Variants in SEPTIN9 observed in about 807,000 individuals in gnomAD.
SEPTIN9 encodes septin-9.
Under a neutral mutation model 56.6 loss-of-function variants are expected in SEPTIN9, and 13 were observed. The ratio of observed to expected loss-of-function variants is 0.23; its 90% CI spans 0.15 to 0.37. The LOEUF (loss-of-function observed/expected upper bound fraction) is 0.37, where lower values mean the gene tolerates loss of function less well. SEPTIN9 is among the 10% of genes least tolerant of loss of function. The pLI is 1.00. For missense variants in SEPTIN9, 650 were observed against 823.1 expected, an observed-to-expected ratio of 0.79 and a Z score of 2.57; for synonymous variants, 332 against 334.1, an observed-to-expected ratio of 0.99 and a Z score of 0.07.
chr17:77,462,848 G>C (rs1039743659), intron 3 of SEPTIN9, among the ~76,000 whole-genome samples: 1 of 151,962 alleles, frequency 6.6e-6, no homozygotes, highest in Non-Finnish European at 1.5e-5. Flanking sequence ...TACCATGTTG[G>C]CCAGGCTGTT....
At chr17:77,414,958 G>C (rs1293132984) in intron 3 of SEPTIN9, among the ~76,000 whole-genome samples, 4 of 152,138 alleles carry the variant, frequency 2.6e-5, no homozygotes, top group Non-Finnish European at 5.9e-5. Flanking sequence ...TGTTTCCAAG[G>C]TCCATCCACA....
At chr17:77,350,219 C>T (rs545767752) in intron 2 of SEPTIN9, among the ~76,000 whole-genome samples, 2 of 152,314 alleles carry the variant, frequency 1.3e-5, no homozygotes, top group South Asian at 2.1e-4. Flanking sequence ...TGGGTCGGCT[C>T]CTCACTAGAG....
At position 77,498,569 on chromosome 17, in the gene SEPTIN9, G is replaced by C. The variant is rs1318419081; in HGVS notation, c.1672G>C (p.Glu558Gln). ...GGACATCACCAGCAGCATCCACTTC[G>C]AGGCGTACCGTGTGAAGCGCCTCAA... ...IKDITSSIHF[E>Q]AYRVKRLNEG... is the part of the protein sequence containing the mutation. The change falls in exon 12 of 12, where the codon GAG becomes CAG. Residue 558 changes from glutamate to glutamine, a missense_variant. Transcript: ENST00000427177. 1 of 1,590,424 alleles carries C rather than the reference G, an allele frequency of 6.3e-7. No individual in the cohort carries two copies. The highest frequency in any genetic ancestry group is 8.5e-7 in the Non-Finnish European group (1 of 1,173,404).
intron 4 of SEPTIN9, among the ~76,000 whole-genome samples, chr17:77,484,884 T>A (rs917325865): frequency 6.9e-5 from 8 of 115,264 alleles, no homozygotes; most frequent in Non-Finnish European, 1.4e-4. Context: ...ATGGTTGTGA[T>A]TGTGATGGTG....
chr17:77,338,576 G>T (rs1366458494), intron 2 of SEPTIN9, among the ~76,000 whole-genome samples: 1 of 152,008 alleles, frequency 6.6e-6, no homozygotes, highest in Non-Finnish European at 1.5e-5. Flanking sequence ...CTGCCACCAC[G>T]CCTGGCTAAT....
At chr17:77,315,085 G>T (rs564892844) in intron 2 of SEPTIN9, among the ~76,000 whole-genome samples, 2 of 152,202 alleles carry the variant, frequency 1.3e-5, no homozygotes, top group Non-Finnish European at 2.9e-5. Context: ...TATTCAGTTT[G>T]GAGTATGAAT....
intron 3 of SEPTIN9, among the ~76,000 whole-genome samples, chr17:77,423,651 C>T (rs1014776383): frequency 3.9e-5 from 6 of 152,246 alleles, no homozygotes; most frequent in Admixed American, 1.3e-4. Flanking sequence ...CGGCTCCGCG[C>T]GGAGATCACG....
chr17:77,390,673 G>C (rs1013171118), intron 2 of SEPTIN9, among the ~76,000 whole-genome samples: 1 of 151,938 alleles, frequency 6.6e-6, no homozygotes, highest in Non-Finnish European at 1.5e-5. Flanking sequence ...GGATGGTCTC[G>C]ATCTCCTGAC....
At position 77,425,126 on chromosome 17, in the gene SEPTIN9, C is replaced by T. The variant is rs1006469376; in HGVS notation, c.721+22423C>T. 1.3e-5 allele frequency among the ~76,000 whole-genome samples: 2 copies of T among 152,212 alleles called. No individual in the cohort carries two copies. The highest frequency in any genetic ancestry group is 2.4e-5 in the African/African-American group (1 of 41,434). On this transcript the variant is annotated intron_variant, in intron 3 of 11. Coordinates refer to ENST00000427177, the MANE Select transcript of SEPTIN9 (RefSeq NM_001113491.2). This position sits in a 1 kb window ranked among gnomAD's most constrained non-coding sequence, Gnocchi z 4.2. ...CCCCCACCCCCGGGGCTGTTCCTGG[C>T]GCCCTGCCCTCCCCCAGAGCCCCAC...
chr17:77,445,543 T>C lies in SEPTIN9; in HGVS notation c.722-36601T>C, dbSNP rs1162154461. ...GCACGCACGTGTGTGTGTGTGTGCG[T>C]GCGTGCTGGGTGGGTAGGGAGGAAG... On this transcript the variant is annotated intron_variant, in intron 3 of 11. Transcript: ENST00000427177. The surrounding 1 kb of genome is among the most constrained non-coding windows in gnomAD (Gnocchi z 4.7). 1 of 393,168 alleles carries C rather than the reference T, an allele frequency of 2.5e-6. No homozygotes were observed. The highest frequency in any genetic ancestry group is 2.1e-5 in the African/African-American group (1 of 47,810). 24.4% of individuals were successfully genotyped at this position (393,168 alleles called of 1,614,324 possible). A position where few individuals can be genotyped will look rare whatever the true frequency, so the allele number is the denominator to read the frequency against.
In SEPTIN9 at chr17:77,318,520, C is replaced by A. The variant is rs183195818; in HGVS notation, c.76+11323C>A. 1.1e-3 allele frequency among the ~76,000 whole-genome samples: 162 copies of A among 152,284 alleles called. 1 individual carries two copies. Among genetic ancestry groups the A allele is most frequent in the African/African-American group, 3.7e-3 (155 of 41,546 alleles). Reference sequence around the variant, plus strand: ...CTGGGGCCATTATTCAGCCTTCTCTCGTGACTATGATCCCTCCCTTCCTCC... The same window carrying A: ...CTGGGGCCATTATTCAGCCTTCTCTAGTGACTATGATCCCTCCCTTCCTCC... On this transcript the variant is annotated intron_variant, in intron 2 of 11. Transcript: ENST00000427177. The surrounding 1 kb of genome is among the most constrained non-coding windows in gnomAD (Gnocchi z 4.9).
chr17:77,444,521 A>G (rs1476675281), intron 3 of SEPTIN9, among the ~76,000 whole-genome samples: 2 of 152,000 alleles, frequency 1.3e-5, no homozygotes, highest in Non-Finnish European at 2.9e-5. Flanking sequence ...GAAAACAGAC[A>G]GTGTTCCAAG....
chr17:77,422,049 A>G (rs312914), intron 3 of SEPTIN9, among the ~76,000 whole-genome samples: 11,695 of 151,914 alleles, frequency 0.077, 1,191 homozygotes, highest in African/African-American at 0.21. Context: ...GTAGAAATGG[A>G]GTCTTACTAT....
At chr17:77,336,629 T>C (rs1412320554) in intron 2 of SEPTIN9, among the ~76,000 whole-genome samples, 1 of 152,234 alleles carries the variant, frequency 6.6e-6, no homozygotes, top group Admixed American at 6.5e-5. Context: ...TCCAAAGTCA[T>C]TTATTACTCT....
At chr17:77,495,812 G>A (rs554227460) in intron 10 of SEPTIN9, among the ~76,000 whole-genome samples, 3 of 152,220 alleles carry the variant, frequency 2.0e-5, no homozygotes, top group African/African-American at 4.8e-5. Flanking sequence ...GCACTTGAGG[G>A]CTGGGCAAGG....
chr17:77,497,405 C>A (rs1472329100), intron 11 of SEPTIN9, 39 bp downstream of exon 11: 2 of 1,595,700 alleles, frequency 1.3e-6, no homozygotes, highest in Admixed American at 1.7e-5. Flanking sequence ...GACGGCTTCA[C>A]CCCTAAGAGG....
Position 77,480,744 on chromosome 17 carries a change from C to T in SEPTIN9, c.722-1400C>T, listed in dbSNP as rs11659043. Among the ~76,000 whole-genome samples, 261 of 152,298 alleles carry T rather than the reference C, an allele frequency of 1.7e-3. 1 individual carries two copies. The highest frequency in any genetic ancestry group is 5.8e-3 in the African/African-American group (243 of 41,578). ...AGCCACTCCCCTCCCGGAGGACTGG[C>T]GGGAGGGGCCCTGCCTGGGAGCGTG... On this transcript the variant is annotated intron_variant, in intron 3 of 11. Transcript: ENST00000427177.
In SEPTIN9 at chr17:77,435,156, T is replaced by A. The variant is rs1331351569; in HGVS notation, c.721+32453T>A. On this transcript the variant is annotated intron_variant, in intron 3 of 11. Coordinates refer to ENST00000427177, the MANE Select transcript of SEPTIN9 (RefSeq NM_001113491.2). The surrounding 1 kb of genome is among the most constrained non-coding windows in gnomAD (Gnocchi z 4.5). The stretch of plus-strand genomic sequence containing the variant: ...TGAGGAACCCACAGCCCAGAGATGT[T>A]AAGTAACCTGCCCAAGCCTCCCTCT... Among the ~76,000 whole-genome samples the A allele has an allele frequency of 1.3e-5, 2 of 152,112 alleles. No individual in the cohort carries two copies. The highest frequency in any genetic ancestry group is 1.5e-5 in the Non-Finnish European group (1 of 68,006).
chr17:77,337,544 T>C (rs2033595297), intron 2 of SEPTIN9, among the ~76,000 whole-genome samples: 1 of 152,216 alleles, frequency 6.6e-6, no homozygotes, highest in South Asian at 2.1e-4. Flanking sequence ...TCCCTTCTCT[T>C]TGTTTTCTGT....
Sources: gnomAD v4.1 joint callset for allele counts (sites outside exome capture counted in the v4.1 genomes callset) on GRCh38, gnomAD v4.1.1 for gene constraint, Gnocchi (gnomAD v3.1) non-coding constraint, MANE v1.5 for transcripts, NCBI Gene and HGNC (gene_info 2026-07-23, HGNC 2026-07-21) for gene names.